Variants in GTPBP10 observed in about 807,000 individuals in gnomAD.
GTPBP10 encodes the protein GTP binding protein 10, also known as GTP-binding protein 10.
Under a neutral mutation model 44.8 loss-of-function variants are expected in GTPBP10, and 38 were observed. The observed-to-expected ratio is 0.85, with a 90% confidence interval of 0.65 to 1.11. The LOEUF is 1.11. Among genes scored for constraint, GTPBP10 ranks in the 50% most tolerant of loss-of-function variants. GTPBP10 has a pLI of 0.00. For missense variants in GTPBP10, 462 were observed against 453.7 expected (o/e 1.02, Z -0.17); for synonymous variants, 152 against 150.6 (o/e 1.01, Z -0.07).
intron 8 of GTPBP10, among the ~76,000 whole-genome samples, chr7:90,379,031 C>T (rs577935660): frequency 8.1e-4 from 123 of 152,196 alleles, no homozygotes; most frequent in Non-Finnish European, 1.3e-3. Context: ...AGATGCCCAT[C>T]GGACATCTTC....
chr7:90,383,174 C>T, intron 9 of GTPBP10, 95 bp downstream of exon 9: 1 of 880,022 alleles, frequency 1.1e-6, no homozygotes, highest in Admixed American at 3.1e-5. Context: ...AGTTTCTGCT[C>T]TTAAAAGTCA....
chr7:90,352,919 G>A lies in GTPBP10; in HGVS notation c.137G>A (p.Trp46Ter), dbSNP rs1343278305. 6.2e-7 allele frequency: 1 copy of A among 1,613,918 alleles called. No individual in the cohort carries two copies. The highest frequency in any genetic ancestry group is 8.5e-7 in the Non-Finnish European group (1 of 1,179,930). ...GGEGGKGGDVWVVAQNRMTLK... is the reference protein window; with the variant it reads ...GGEGGKGGDV Reference sequence around the variant, plus strand: ...GAAGGTGGAAAAGGTGGTGATGTCTGGGTTGTAGCCCAGAACAGAATGACT... The same window carrying A: ...GAAGGTGGAAAAGGTGGTGATGTCTAGGTTGTAGCCCAGAACAGAATGACT... Residue 46 changes from tryptophan to a stop codon, truncating the protein, a stop_gained, in exon 2 of 10, where the codon TGG becomes TAG. Transcript: ENST00000222511. LOFTEE classifies it high-confidence loss of function.
Position 90,346,797 on chromosome 7 carries a change from T to A in GTPBP10, c.33+23T>A, listed in dbSNP as rs1421951147. 1.9e-6 allele frequency: 3 copies of A among 1,612,920 alleles called. No individual in the cohort carries two copies. In the South Asian group the frequency reaches 3.3e-5, roughly 18 times the overall value. The stretch of plus-strand genomic sequence containing the variant: ...AAGGTCCGTGCGGGTCCCCTCAGCC[T>A]GGTCCCCTTAGCGCTGACAGCTCTG... On this transcript the variant is annotated intron_variant, in intron 1 of 9. Transcript: ENST00000222511.
intron 1 of GTPBP10, 75 bp downstream of exon 1, chr7:90,346,849 A>C: frequency 6.7e-7 from 1 of 1,502,578 alleles, no homozygotes; most frequent in Non-Finnish European, 9.3e-7. Context: ...CTGTCTCTCC[A>C]CTACTGTCTT....
intron 8 of GTPBP10, among the ~76,000 whole-genome samples, chr7:90,382,427 T>C (rs1796448566): frequency 6.6e-6 from 1 of 152,150 alleles, no homozygotes. Flanking sequence ...CTTACATATT[T>C]ATTTATTTTT....
chr7:90,357,917 G>T (rs1012688904), intron 4 of GTPBP10, among the ~76,000 whole-genome samples: 1 of 152,012 alleles, frequency 6.6e-6, no homozygotes, highest in African/African-American at 2.4e-5. Context: ...TCAAAGATGT[G>T]TGCAAAGAGA....
chr7:90,351,647 GTGT>G (rs1479074724), intron 1 of GTPBP10, among the ~76,000 whole-genome samples: 1 of 152,088 alleles, frequency 6.6e-6, no homozygotes, highest in African/African-American at 2.4e-5. Context: ...GCTCAAACCA[GTGT>G]TGTTCAAGGG....
rs773461288 is a variant in GTPBP10 at position 90,378,215 on chromosome 7, G to A, written c.777+4G>A. Reference sequence around the variant, plus strand: ...AACCATAATACTGCTTACAAAAGTAGGTTTTCTGTTTTACTGTGTTCTGTA... The same window carrying A: ...AACCATAATACTGCTTACAAAAGTAAGTTTTCTGTTTTACTGTGTTCTGTA... On this transcript the variant is annotated splice_donor_region_variant and intron_variant, in intron 8 of 9. Transcript: ENST00000222511. The A allele has an allele frequency of 8.7e-6, 14 of 1,609,720 alleles. No individual in the cohort carries two copies. Among genetic ancestry groups the A allele is most frequent in the Non-Finnish European group, 1.1e-5 (13 of 1,177,078 alleles).
intron 4 of GTPBP10, among the ~76,000 whole-genome samples, chr7:90,355,719 C>T (rs1333042408): frequency 6.6e-6 from 1 of 152,072 alleles, no homozygotes; most frequent in Non-Finnish European, 1.5e-5. Context: ...ACTGTTGCCG[C>T]CAAATTGAAT....
At chr7:90,363,531 T>A (rs1209020438) in intron 4 of GTPBP10, among the ~76,000 whole-genome samples, 4 of 152,214 alleles carry the variant, frequency 2.6e-5, no homozygotes, top group Admixed American at 2.6e-4. Context: ...CTTCCCTTTG[T>A]GGGTAACCCG....
chr7:90,379,965 CTT>C (rs1796405583), intron 8 of GTPBP10, among the ~76,000 whole-genome samples: 1 of 151,066 alleles, frequency 6.6e-6, no homozygotes, highest in Non-Finnish European at 1.5e-5. Context: ...ATTTCTGTGT[CTT>C]TGGAGAAAAG....
intron 8 of GTPBP10, among the ~76,000 whole-genome samples, chr7:90,380,280 T>C (rs1001733814): frequency 3.3e-5 from 5 of 152,164 alleles, no homozygotes; most frequent in Non-Finnish European, 7.4e-5. Context: ...GGTTTCACCA[T>C]GTTGGCCAGG....
In GTPBP10 at chr7:90,355,131, G is replaced by T. The variant is rs746047334; in HGVS notation, c.365G>T (p.Gly122Val). The change falls in exon 4 of 10, where the codon GGT becomes GTT. Residue 122 changes from glycine (G) to valine (V), a missense_variant. By Grantham distance (109) the Gly-to-Val change is moderately radical (BLOSUM62 -3). Transcript: ENST00000222511. ...GACAGAATTTTGGTAGCTCAAGGAG[G>T]TCTTGGTGGTAAATTACTTACAAAT... ...ENDRILVAQG[G>V]LGGKLLTNFL... is the part of the protein sequence containing the mutation. The T allele has an allele frequency of 6.2e-7, 1 of 1,601,498 alleles. No individual in the cohort carries two copies. The highest frequency in any genetic ancestry group is 1.1e-5 in the South Asian group (1 of 90,286).
rs764516488 is a variant in GTPBP10, at chr7:90,352,882, C to T, written c.100C>T (p.Arg34Cys). Residue 34 changes from arginine (R) to cysteine (C), a missense_variant, in exon 2 of 10, where the codon CGT (arginine) becomes TGT (cysteine). Physicochemically the swap from Arg to Cys is radical, Grantham distance 180. Coordinates refer to ENST00000222511, the MANE Select transcript of GTPBP10 (RefSeq NM_033107.4). ...RGGSGGMGYP[R>C]LGGEGGKGGD... ...AGGATCCGGTGGAATGGGTTATCCT[C>T]GTTTAGGTGGAGAAGGTGGAAAAGG... 14 of 1,613,336 alleles carry T rather than the reference C, an allele frequency of 8.7e-6. No individual in the cohort carries two copies. Among genetic ancestry groups the T allele is most frequent in the East Asian group, 4.5e-5 (2 of 44,850 alleles).
rs753865254 is a variant in GTPBP10, at chr7:90,346,778, C to T, written c.33+4C>T. On this transcript the variant is annotated splice_donor_region_variant and intron_variant, in intron 1 of 9. Coordinates refer to ENST00000222511, the MANE Select transcript of GTPBP10 (RefSeq NM_033107.4). The stretch of plus-strand genomic sequence containing the variant: ...CAGTTGCGTGTTGTTCAGAAAGGTC[C>T]GTGCGGGTCCCCTCAGCCTGGTCCC... 10 of 1,614,114 alleles carry T rather than the reference C, an allele frequency of 6.2e-6. No homozygotes were observed. The South Asian group carries it at 7.7e-5, about 12-fold the overall frequency.
chr7:90,385,054 A>T lies in GTPBP10; in HGVS notation c.1064A>T (p.His355Leu). Residue 355 changes from histidine to leucine, a missense_variant, in exon 10 of 10, where the codon CAT becomes CTT. Transcript: ENST00000222511. ...EQANQENDAL[H>L]KKQLLNLWIS... ...GCCAACCAGGAAAATGATGCACTTC[A>T]TAAGAAACAGTTGCTTAATTTGTGG... 6.2e-7 allele frequency: 1 copy of T among 1,613,968 alleles called. No homozygotes were observed. The highest frequency in any genetic ancestry group is 2.2e-5 in the East Asian group (1 of 44,850).
intron 4 of GTPBP10, among the ~76,000 whole-genome samples, chr7:90,363,299 T>C (rs562188874): frequency 6.6e-6 from 1 of 152,334 alleles, no homozygotes; most frequent in African/African-American, 2.4e-5. Context: ...TGTTTAGTGC[T>C]TCCTTCAGGA....
chr7:90,349,870 C>G (rs772991227), intron 1 of GTPBP10, among the ~76,000 whole-genome samples: 1 of 151,992 alleles, frequency 6.6e-6, no homozygotes, highest in Non-Finnish European at 1.5e-5. Context: ...GCAGAACCTG[C>G]TTCACCTGTT....
At chr7:90,377,858 T>C (rs375628236) in intron 7 of GTPBP10, 148 of 298,638 alleles carry the variant, frequency 5.0e-4, no homozygotes, top group African/African-American at 3.1e-3. Context: ...AGTATCTCTT[T>C]CATTCTTCAC....
Sources: gnomAD v4.1 joint callset for allele counts (sites outside exome capture counted in the v4.1 genomes callset) on GRCh38, gnomAD v4.1.1 for gene constraint, MANE v1.5 for transcripts, NCBI Gene and HGNC (gene_info 2026-07-23, HGNC 2026-07-21) for gene names.